The following PCNX2 variants were observed in gnomAD, a reference collection of about 807,000 sequenced individuals.
PCNX2 encodes the protein pecanex-like protein 2.
A neutral mutation model predicts 223.8 loss-of-function variants in PCNX2; 168 were observed. The observed-to-expected ratio is 0.75, with a 90% CI of 0.66 to 0.85. The LOEUF (loss-of-function observed/expected upper bound fraction) is 0.85, where lower values mean the gene tolerates loss of function less well. Among genes scored for constraint, PCNX2 ranks in the 40% least tolerant of loss-of-function variants. The probability of loss-of-function intolerance (pLI) is 0.00; values close to 1 mark genes in which losing one functional copy is unlikely to be tolerated. For synonymous variants in PCNX2, 1,006 were observed against 1,052.6 expected (o/e 0.96, Z 0.86); for missense variants, 2,507 against 2,675.5 (o/e 0.94, Z 1.39).
chr1:233,000,183 T>A lies in PCNX2; in HGVS notation c.5328+122A>T. 1 of 1,016,820 alleles carries A rather than the reference T, an allele frequency of 9.8e-7. No individual in the cohort carries two copies. The highest frequency in any genetic ancestry group is 1.3e-5 in the South Asian group (1 of 75,768). 63.0% of individuals were successfully genotyped at this position (1,016,820 alleles called of 1,614,324 possible). ...CAGCGCTCCTTCCAGAACATCCCTCTGAACAGAGGATGCTGGCACAGAGAC... is the reference window on the plus strand; with the variant it reads ...CAGCGCTCCTTCCAGAACATCCCTCAGAACAGAGGATGCTGGCACAGAGAC... On this transcript the variant is annotated intron_variant, in intron 30 of 33. Coordinates refer to ENST00000258229, the MANE Select transcript of PCNX2 (RefSeq NM_014801.4). This position sits in a 1 kb window ranked among gnomAD's most constrained non-coding sequence, Gnocchi z 4.6.
intron 25 of PCNX2, among the ~76,000 whole-genome samples, chr1:233,026,914 G>GATTTATAAAAT (rs1671097417): frequency 6.6e-6 from 1 of 152,176 alleles, no homozygotes; most frequent in Non-Finnish European, 1.5e-5. Flanking sequence ...ACAAGCCCTG[G>GATTTATAAAAT]CTGGAGATTT....
chr1:233,237,285 T>C (rs1450755380), intron 8 of PCNX2, among the ~76,000 whole-genome samples: 5 of 152,164 alleles, frequency 3.3e-5, no homozygotes, highest in South Asian at 2.1e-4. Context: ...ATTTAATGCC[T>C]GGGGAGGCCT....
At chr1:233,132,145 G>C (rs1012425937) in intron 21 of PCNX2, among the ~76,000 whole-genome samples, 2 of 152,048 alleles carry the variant, frequency 1.3e-5, no homozygotes, top group Non-Finnish European at 2.9e-5. Context: ...TCACCATGTT[G>C]GTCAGGCTGG....
intron 10 of PCNX2, among the ~76,000 whole-genome samples, chr1:233,226,920 CAAACCTT>C (rs1340746111): frequency 4.6e-5 from 7 of 152,166 alleles, no homozygotes; most frequent in Non-Finnish European, 1.0e-4. Flanking sequence ...TGTGCCCAAA[CAAACCTT>C]AAATACAAAC....
At chr1:233,185,527 T>G (rs1380541176) in intron 15 of PCNX2, among the ~76,000 whole-genome samples, 4 of 152,188 alleles carry the variant, frequency 2.6e-5, no homozygotes, top group Non-Finnish European at 5.9e-5. Flanking sequence ...GTTCCCAGCA[T>G]TACAGGCTGT....
intron 21 of PCNX2, among the ~76,000 whole-genome samples, chr1:233,119,044 A>C (rs1675595231): frequency 6.6e-6 from 1 of 152,206 alleles, no homozygotes; most frequent in South Asian, 2.1e-4. Flanking sequence ...ACTCAGAAAT[A>C]TACTCACACA....
chr1:233,138,904 T>C (rs77360158), intron 20 of PCNX2, among the ~76,000 whole-genome samples: 3,064 of 152,356 alleles, frequency 0.02, 40 homozygotes, highest in East Asian at 0.051. Flanking sequence ...CTTTGGAGAA[T>C]ATTAATTAAT....
chr1:233,197,278 A>G (rs1027910032), intron 15 of PCNX2, among the ~76,000 whole-genome samples: 1 of 152,204 alleles, frequency 6.6e-6, no homozygotes, highest in Non-Finnish European at 1.5e-5. Flanking sequence ...ATGAACAAGC[A>G]AACAAATAAT....
At chr1:233,182,482 CAG>C (rs1679858401) in intron 15 of PCNX2, among the ~76,000 whole-genome samples, 1 of 152,148 alleles carries the variant, frequency 6.6e-6, no homozygotes, top group Non-Finnish European at 1.5e-5. Context: ...TGTATAGTGA[CAG>C]AGTGGTTCTC....
At chr1:233,160,913 G>A (rs1028732846) in intron 18 of PCNX2, among the ~76,000 whole-genome samples, 11 of 152,122 alleles carry the variant, frequency 7.2e-5, no homozygotes, top group African/African-American at 2.7e-4. Context: ...GCCTCACCCC[G>A]ATACGGTGAC....
Position 233,126,519 on chromosome 1 carries a change from G to T in PCNX2, c.3837+8494C>A, listed in dbSNP as rs200107607. 4.1e-5 allele frequency among the ~76,000 whole-genome samples: 5 copies of T among 121,140 alleles called. No individual in the cohort carries two copies. Among genetic ancestry groups the T allele is most frequent in the East Asian group, 5.8e-4 (1 of 1,712 alleles). The allele number at this position is 121,140 out of a possible 152,430, so 79.5% of individuals were successfully genotyped here. A position where few individuals can be genotyped will look rare whatever the true frequency, so the allele number is the denominator to read the frequency against. On this transcript the variant is annotated intron_variant, in intron 21 of 33. Transcript: ENST00000258229. The surrounding 1 kb of genome is among the most constrained non-coding windows in gnomAD (Gnocchi z 4.8). ...ATTTGTGTGGTGTGTGTGTGTGTTT[G>T]TGTGTGTGTGTGTGTGTGTAAATAT...
At chr1:233,021,209 T>G (rs1263989618) in intron 26 of PCNX2, among the ~76,000 whole-genome samples, 1 of 152,118 alleles carries the variant, frequency 6.6e-6, no homozygotes, top group Non-Finnish European at 1.5e-5. Context: ...CCTCGCAGGA[T>G]AGGCCTGGCA....
intron 23 of PCNX2, chr1:233,065,715 C>T (rs745391008): frequency 5.9e-5 from 9 of 151,706 alleles, no homozygotes; most frequent in Non-Finnish European, 1.3e-4. Flanking sequence ...ATCTGTCTAG[C>T]CTGAAAGTCA....
chr1:233,190,169 C>T (rs1680337786), intron 15 of PCNX2, among the ~76,000 whole-genome samples: 1 of 151,816 alleles, frequency 6.6e-6, no homozygotes, highest in South Asian at 2.1e-4. Context: ...TGAAACGGTT[C>T]ACAAGGATCC....
At chr1:233,286,317 T>G (rs1661441981) in intron 1 of PCNX2, among the ~76,000 whole-genome samples, 1 of 151,582 alleles carries the variant, frequency 6.6e-6, no homozygotes, top group South Asian at 2.1e-4. Flanking sequence ...ACCATTTGGG[T>G]GGGGGTAGAA....
intron 25 of PCNX2, among the ~76,000 whole-genome samples, chr1:233,038,705 GA>G (rs1424318531): frequency 6.6e-6 from 1 of 152,196 alleles, no homozygotes; most frequent in Non-Finnish European, 1.5e-5. Context: ...ACAGAGCAGA[GA>G]AAATTCTAGA....
In PCNX2 at chr1:232,999,393, A is replaced by T. The variant is rs1669996400; in HGVS notation, c.5329-14T>A. 1.9e-6 allele frequency: 3 copies of T among 1,576,478 alleles called. No homozygotes were observed. The Admixed American group carries it at 5.5e-5, about 29-fold the overall frequency. On this transcript the variant is annotated splice_polypyrimidine_tract_variant and intron_variant, in intron 30 of 33. Transcript: ENST00000258229. Reference sequence around the variant, plus strand: ...TTCTTTGTTAACCTGCAGGTCAGAGAGGGAACGGGAAGAAAGGCAGAAGGC... The same window carrying T: ...TTCTTTGTTAACCTGCAGGTCAGAGTGGGAACGGGAAGAAAGGCAGAAGGC...
chr1:233,076,203 A>C (rs1333992392), intron 23 of PCNX2, among the ~76,000 whole-genome samples: 1 of 152,186 alleles, frequency 6.6e-6, no homozygotes, highest in Non-Finnish European at 1.5e-5. Context: ...GGGAGGTCCA[A>C]TGCCATTTAT....
chr1:233,261,182 A>T, intron 4 of PCNX2, 103 bp downstream of exon 4: 1 of 1,064,946 alleles, frequency 9.4e-7, no homozygotes, highest in Non-Finnish European at 1.4e-6. Context: ...TCTTAGGTAT[A>T]GTTCTTATTT....
Sources: allele counts gnomAD v4.1 joint callset (sites outside exome capture counted in the v4.1 genomes callset), GRCh38; gene constraint gnomAD v4.1.1; non-coding constraint Gnocchi (gnomAD v3.1); transcripts MANE v1.5; gene names NCBI Gene and HGNC (gene_info 2026-07-23, HGNC 2026-07-21).